The following DMD variants were observed in gnomAD, a reference collection of about 807,000 sequenced individuals.
DMD encodes mutant dystrophin.
Under a neutral mutation model 330.1 loss-of-function variants are expected in DMD, and 63 were observed. That is an observed-to-expected ratio of 0.19 (90% confidence interval 0.16 to 0.24). DMD has a LOEUF of 0.24. Among genes scored for constraint, DMD ranks in the 10% least tolerant of loss-of-function variants. The pLI, the probability that DMD is intolerant of heterozygous loss-of-function variation, is 1.00. For synonymous variants in DMD, 1,223 were observed against 959.8 expected, an observed-to-expected ratio of 1.27 and a Z score of -5.07; for missense variants, 3,344 against 2,684.1, an observed-to-expected ratio of 1.25 and a Z score of -5.43.
At chrX:32,068,484 T>C (rs1381701877) in intron 44 of DMD, among the ~76,000 whole-genome samples, 2 of 108,715 alleles carry the variant, frequency 1.8e-5, no homozygotes, top group African/African-American at 3.3e-5. Context: ...AGGATTCTTA[T>C]AGCTTGAAGT....
intron 42 of DMD, among the ~76,000 whole-genome samples, chrX:32,298,957 G>C (rs2097509415): frequency 9.0e-6 from 1 of 111,435 alleles, no homozygotes; most frequent in African/African-American, 3.3e-5. Context: ...TAGACAGTCA[G>C]AGACTCTTGG....
chrX:32,144,885 T>A (rs927076184), intron 44 of DMD, among the ~76,000 whole-genome samples: 1 of 110,282 alleles, frequency 9.1e-6, no homozygotes, highest in African/African-American at 3.3e-5. Context: ...ATACAAAAAA[T>A]TAGCCAGGCG....
At chrX:33,233,783 T>C (rs772907641) in intron 1 of DMD, among the ~76,000 whole-genome samples, 2 of 111,621 alleles carry the variant, frequency 1.8e-5, no homozygotes, top group South Asian at 3.8e-4. Context: ...TTTAACTAAA[T>C]ATATACACAC....
intron 42 of DMD, among the ~76,000 whole-genome samples, chrX:32,297,172 C>T (rs1406778032): frequency 3.6e-5 from 4 of 110,976 alleles, no homozygotes; most frequent in East Asian, 2.8e-4. Context: ...ACAGCTACAT[C>T]GCTGTATTCA....
chrX:32,580,008 T>C (rs2053482732), intron 13 of DMD, among the ~76,000 whole-genome samples: 2 of 83,689 alleles, frequency 2.4e-5, no homozygotes, highest in African/African-American at 1.2e-4. Flanking sequence ...TATTATTTAA[T>C]GTCTTTTTTT....
rs771742066 is a variant in DMD, at chrX:32,816,657, A to G, written c.358-17T>C. On this transcript the variant is annotated splice_polypyrimidine_tract_variant and intron_variant, in intron 5 of 78. Transcript: ENST00000357033. ...ATTTTTGACCTACATGTGGAAATAA[A>G]TTTTCATAAGAAAATGCATTCCTTG... The G allele has an allele frequency of 5.0e-5, 60 of 1,202,515 alleles. No homozygotes were observed. The highest frequency in any genetic ancestry group is 6.6e-5 in the Non-Finnish European group (59 of 888,310).
At chrX:32,791,684 C>CA (rs1331798449) in intron 7 of DMD, among the ~76,000 whole-genome samples, 1 of 111,347 alleles carries the variant, frequency 9.0e-6, no homozygotes, top group African/African-American at 3.3e-5. Context: ...CCTACTCAAA[C>CA]AAAAAATAAC....
intron 29 of DMD, among the ~76,000 whole-genome samples, chrX:32,417,193 G>C (rs1235899642): frequency 9.0e-6 from 1 of 111,419 alleles, no homozygotes; most frequent in Non-Finnish European, 1.9e-5. Flanking sequence ...AAATAGCAGG[G>C]CATAGCAAAG....
chrX:31,931,165 T>C (rs771085302), intron 46 of DMD, among the ~76,000 whole-genome samples: 1 of 111,510 alleles, frequency 9.0e-6, no homozygotes, highest in African/African-American at 3.3e-5. Flanking sequence ...ATAGCAACCA[T>C]TGTCAAAATC....
chrX:31,276,217 C>T (rs746110731), intron 62 of DMD, among the ~76,000 whole-genome samples: 15 of 111,163 alleles, frequency 1.3e-4, no homozygotes, highest in East Asian at 5.7e-4. Context: ...CCACCACGCC[C>T]GGCTAATTTT....
intron 16 of DMD, among the ~76,000 whole-genome samples, chrX:32,558,951 T>C (rs1025637378): frequency 3.8e-5 from 3 of 79,458 alleles, no homozygotes; most frequent in African/African-American, 5.6e-5. Flanking sequence ...TTTTTTTTTT[T>C]TTTTTTTTTT....
chrX:32,286,285 A>T (rs2097440978), intron 43 of DMD, among the ~76,000 whole-genome samples: 2 of 111,947 alleles, frequency 1.8e-5, no homozygotes. Flanking sequence ...TTACAAATGC[A>T]TAAATGATTT....
intron 13 of DMD, among the ~76,000 whole-genome samples, chrX:32,580,269 T>C (rs1191519862): frequency 3.6e-5 from 4 of 111,940 alleles, no homozygotes; most frequent in South Asian, 3.7e-4. Context: ...CTTGCACAAA[T>C]ATCCCAAAAC....
At chrX:32,228,132 C>G (rs1603628682) in intron 43 of DMD, among the ~76,000 whole-genome samples, 1 of 111,389 alleles carries the variant, frequency 9.0e-6, no homozygotes, top group African/African-American at 3.3e-5. Flanking sequence ...GATAAGTACT[C>G]AAATAGTTAG....
At chrX:32,498,109 C>A (rs1253573037) in intron 19 of DMD, among the ~76,000 whole-genome samples, 3 of 111,263 alleles carry the variant, frequency 2.7e-5, no homozygotes, top group Non-Finnish European at 5.7e-5. Flanking sequence ...AAATACATCA[C>A]TAGATACCTG....
At chrX:31,949,366 C>G (rs1263202261) in intron 45 of DMD, among the ~76,000 whole-genome samples, 2 of 111,143 alleles carry the variant, frequency 1.8e-5, no homozygotes, top group Non-Finnish European at 3.8e-5. Context: ...AGGTTTAGTA[C>G]TTATATTTTC....
intron 49 of DMD, among the ~76,000 whole-genome samples, chrX:31,827,531 A>T (rs2092918842): frequency 8.9e-6 from 1 of 111,909 alleles, no homozygotes; most frequent in Non-Finnish European, 1.9e-5. Flanking sequence ...ACAAAAACTT[A>T]ACAAAGAAAC....
chrX:31,379,822 C>T (rs928488927), intron 60 of DMD, among the ~76,000 whole-genome samples: 17 of 111,902 alleles, frequency 1.5e-4, no homozygotes, highest in Admixed American at 1.1e-3. Context: ...GCCCGCAGCC[C>T]GGGATTCCTC....
At chrX:32,292,014 A>G (rs931947169) in intron 42 of DMD, among the ~76,000 whole-genome samples, 4 of 111,138 alleles carry the variant, frequency 3.6e-5, no homozygotes, top group African/African-American at 1.3e-4. Flanking sequence ...TTATATTCCA[A>G]AAATAATAGA....
Sources: gnomAD v4.1 joint callset for allele counts (sites outside exome capture counted in the v4.1 genomes callset) on GRCh38, gnomAD v4.1.1 for gene constraint, MANE v1.5 for transcripts, NCBI Gene and HGNC (gene_info 2026-07-23, HGNC 2026-07-21) for gene names.